Variants in ZNF365 observed in about 807,000 individuals in gnomAD.
ZNF365 encodes the protein protein ZNF365.
A neutral mutation model predicts 35.0 loss-of-function variants in ZNF365; 22 were observed. That is an observed-to-expected ratio of 0.63 (90% CI 0.45 to 0.90). The LOEUF (loss-of-function observed/expected upper bound fraction) is 0.90. ZNF365 is among the 40% of genes least tolerant of loss of function. The probability of loss-of-function intolerance (pLI) is 0.00; values close to 1 mark genes in which losing one functional copy is unlikely to be tolerated. For missense variants in ZNF365, 448 were observed against 500.3 expected (o/e 0.90, Z 1.00); for synonymous variants, 188 against 196.2 (o/e 0.96, Z 0.35).
At chr10:62,391,882 C>T (rs750556151) in intron 3 of ZNF365, among the ~76,000 whole-genome samples, 10 of 152,176 alleles carry the variant, frequency 6.6e-5, no homozygotes, top group Non-Finnish European at 8.8e-5. Context: ...TGAAAGTGTT[C>T]GTTCCCTTTT....
intron 4 of ZNF365, among the ~76,000 whole-genome samples, chr10:62,471,322 T>C (rs1242913746): frequency 1.4e-5 from 2 of 146,684 alleles, no homozygotes; most frequent in African/African-American, 2.6e-5. Context: ...GCCGAGATTG[T>C]GCCACTGCAT....
chr10:62,415,526 G>A (rs1224399924), intron 3 of ZNF365, among the ~76,000 whole-genome samples: 1 of 152,062 alleles, frequency 6.6e-6, no homozygotes, highest in Non-Finnish European at 1.5e-5. Flanking sequence ...GATCTCATTA[G>A]CATTATGAAA....
intron 4 of ZNF365, among the ~76,000 whole-genome samples, chr10:62,466,985 A>G (rs898623588): frequency 2.6e-5 from 4 of 152,080 alleles, no homozygotes; most frequent in Admixed American, 2.6e-4. Flanking sequence ...TATTTTTTAT[A>G]GAGATGGAGT....
At chr10:62,449,890 C>G (rs1210150296) in intron 3 of ZNF365, among the ~76,000 whole-genome samples, 2 of 150,808 alleles carry the variant, frequency 1.3e-5, no homozygotes, top group Non-Finnish European at 2.9e-5. Flanking sequence ...CAGATCTACT[C>G]ATTGCCAAAG....
intron 3 of ZNF365, among the ~76,000 whole-genome samples, chr10:62,437,808 G>A (rs1235148911): frequency 1.3e-5 from 2 of 152,198 alleles, no homozygotes; most frequent in Non-Finnish European, 2.9e-5. Context: ...CCACTAGGGG[G>A]TGACAGCTGA....
intron 3 of ZNF365, among the ~76,000 whole-genome samples, chr10:62,440,576 A>G (rs566943872): frequency 6.6e-6 from 1 of 152,350 alleles, no homozygotes; most frequent in Admixed American, 6.5e-5. Flanking sequence ...AGAAAGTTAG[A>G]AGCAGCAAAA....
chr10:62,432,004 G>A (rs1840341936), intron 3 of ZNF365, among the ~76,000 whole-genome samples: 1 of 152,148 alleles, frequency 6.6e-6, no homozygotes, highest in South Asian at 2.1e-4. Flanking sequence ...CATACTGTGA[G>A]CATGGGCAAA....
chr10:62,465,515 G>T (rs1392863314), intron 4 of ZNF365, among the ~76,000 whole-genome samples: 1 of 152,170 alleles, frequency 6.6e-6, no homozygotes, highest in Non-Finnish European at 1.5e-5. Context: ...GACCCAGAGT[G>T]AGAACTCATG....
chr10:62,460,881 C>T (rs1034201316), intron 4 of ZNF365, among the ~76,000 whole-genome samples: 1 of 152,146 alleles, frequency 6.6e-6, no homozygotes, highest in Non-Finnish European at 1.5e-5. Flanking sequence ...AGACAAGCCC[C>T]ATATATATGT....
intron 3 of ZNF365, among the ~76,000 whole-genome samples, chr10:62,422,779 C>T (rs1418221272): frequency 1.3e-5 from 2 of 152,100 alleles, no homozygotes; most frequent in Non-Finnish European, 2.9e-5. Context: ...CCAAACCTTA[C>T]AATTGGGTGT....
At position 62,459,759 on chromosome 10, in the gene ZNF365, G is replaced by A. The variant is rs112684479; in HGVS notation, c.943G>A (p.Glu315Lys). ...CTTTCAGAGCTGGAAAGGTGCTGGC[G>A]AAGCTCGCCTGGTGTGCCAAAATGA... Residue 315 changes from glutamate (E) to lysine (K), a missense_variant, in exon 4 of 5, where the codon GAA (glutamate) becomes AAA (lysine). By Grantham distance (56) the Glu-to-Lys change is moderately conservative (BLOSUM62 1). Transcript: ENST00000395255. 8.9e-5 allele frequency: 143 copies of A among 1,610,232 alleles called. 3 individuals are homozygous for A. Among genetic ancestry groups the A allele is most frequent in the African/African-American group, 6.9e-4 (52 of 75,006 alleles).
intron 3 of ZNF365, among the ~76,000 whole-genome samples, chr10:62,390,839 T>C (rs556520084): frequency 6.6e-6 from 1 of 152,342 alleles, no homozygotes; most frequent in South Asian, 2.1e-4. Flanking sequence ...GATAAGTATT[T>C]ATGTATCTAA....
chr10:62,467,919 A>G (rs923939494), intron 4 of ZNF365, among the ~76,000 whole-genome samples: 3 of 152,190 alleles, frequency 2.0e-5, no homozygotes, highest in Non-Finnish European at 2.9e-5. Flanking sequence ...ATTCACACTG[A>G]GACCCATCAT....
At chr10:62,397,396 C>T (rs1376877514) in intron 3 of ZNF365, among the ~76,000 whole-genome samples, 3 of 152,168 alleles carry the variant, frequency 2.0e-5, no homozygotes, top group Non-Finnish European at 4.4e-5. Context: ...TATATCTTGG[C>T]CACACTGGCC....
At chr10:62,460,014 C>A (rs1195330777) in intron 4 of ZNF365, among the ~76,000 whole-genome samples, 1 of 152,198 alleles carries the variant, frequency 6.6e-6, no homozygotes, top group Non-Finnish European at 1.5e-5. Context: ...TGTAGCTTTT[C>A]CCCCTATATA....
chr10:62,381,861 T>C (rs879028460), intron 2 of ZNF365, among the ~76,000 whole-genome samples: 1 of 152,206 alleles, frequency 6.6e-6, no homozygotes, highest in Admixed American at 6.5e-5. Context: ...GTAGAATCTG[T>C]TTCCCTTTGT....
At position 62,476,919 on chromosome 10, in the gene ZNF365, A is replaced by G. The variant is rs565209146; in HGVS notation, c.982-2957A>G. On this transcript the variant is annotated intron_variant, in intron 4 of 4. Coordinates refer to the ZNF365 transcript ENST00000395255. ...CTTATTAGTGGGCAATGTCCATCATATATTACTGAGAGAGAAAAAATAGTT... is the reference window on the plus strand; with the variant it reads ...CTTATTAGTGGGCAATGTCCATCATGTATTACTGAGAGAGAAAAAATAGTT... Among the ~76,000 whole-genome samples, 8 of 152,376 alleles carry G rather than the reference A, an allele frequency of 5.3e-5. No individual in the cohort carries two copies. The South Asian group carries it at 1.2e-3, about 24-fold the overall frequency.
chr10:62,399,821 G>C lies in ZNF365; in HGVS notation c.*32G>C. On this transcript the variant is annotated 3_prime_UTR_variant, in exon 5 of 5. Transcript: ENST00000395254. The stretch of plus-strand genomic sequence containing the variant: ...GGGTGGTGCTGGACCAATCATCGCT[G>C]GGCTTTGGGGAACGTTGTTCCAGGA... 1 of 1,580,764 alleles carries C rather than the reference G, an allele frequency of 6.3e-7. No homozygotes were observed. The highest frequency in any genetic ancestry group is 8.6e-7 in the Non-Finnish European group (1 of 1,161,998).
At chr10:62,388,930 G>A (rs1450432617) in intron 3 of ZNF365, among the ~76,000 whole-genome samples, 1 of 152,156 alleles carries the variant, frequency 6.6e-6, no homozygotes, top group East Asian at 1.9e-4. Flanking sequence ...TTATTATCAT[G>A]TTTTGGAGGT....
Sources: allele counts gnomAD v4.1 joint callset (sites outside exome capture counted in the v4.1 genomes callset), GRCh38; gene constraint gnomAD v4.1.1; transcripts MANE v1.5; gene names NCBI Gene and HGNC (gene_info 2026-07-23, HGNC 2026-07-21).